The following TSGA10 variants were observed in gnomAD, a reference collection of about 807,000 sequenced individuals.
TSGA10 encodes testis-specific gene 10 protein.
Under a neutral mutation model 96.6 loss-of-function variants are expected in TSGA10, and 43 were observed. The observed-to-expected ratio is 0.44, with a 90% CI of 0.35 to 0.57. The LOEUF is 0.57. TSGA10 is among the 20% of genes least tolerant of loss of function. The probability of loss-of-function intolerance (pLI) is 0.01; values close to 1 mark genes in which losing one functional copy is unlikely to be tolerated. For missense variants in TSGA10, 703 were observed against 834.4 expected (o/e 0.84, Z 1.94); for synonymous variants, 229 against 269.9 (o/e 0.85, Z 1.48).
intron 1 of TSGA10, chr2:99,141,489 G>A (rs533178451): frequency 6.4e-6 from 1 of 157,252 alleles, no homozygotes; most frequent in Non-Finnish European, 1.4e-5. Context: ...CGCACGGAGC[G>A]ACGCGTACGT....
chr2:99,070,123 AAC>A (rs1392254192), intron 14 of TSGA10, among the ~76,000 whole-genome samples: 1 of 152,180 alleles, frequency 6.6e-6, no homozygotes, highest in Non-Finnish European at 1.5e-5. Flanking sequence ...TTGTTATGAC[AAC>A]AGTTTTCTTC....
chr2:99,135,072 C>G (rs1048929581), intron 1 of TSGA10, among the ~76,000 whole-genome samples: 3 of 152,160 alleles, frequency 2.0e-5, no homozygotes, highest in African/African-American at 7.2e-5. Context: ...GCATGGGGGT[C>G]AGGGACCCAC....
At chr2:99,060,498 T>C (rs906525046) in intron 16 of TSGA10, among the ~76,000 whole-genome samples, 1 of 152,290 alleles carries the variant, frequency 6.6e-6, no homozygotes, top group East Asian at 1.9e-4. Context: ...AGACTCAATA[T>C]TGTTAAAATC....
chr2:99,106,060 T>C (rs1225717575), intron 7 of TSGA10, among the ~76,000 whole-genome samples: 2 of 152,216 alleles, frequency 1.3e-5, no homozygotes, highest in African/African-American at 4.8e-5. Context: ...ATTATCATAG[T>C]GTTTCAGTCT....
At chr2:99,013,778 G>A (rs1314282753) in intron 20 of TSGA10, among the ~76,000 whole-genome samples, 1 of 151,912 alleles carries the variant, frequency 6.6e-6, no homozygotes, top group African/African-American at 2.4e-5. Flanking sequence ...CATTTTGGGA[G>A]GCGAAGACAG....
intron 2 of TSGA10, among the ~76,000 whole-genome samples, chr2:99,120,583 A>G (rs1370980287): frequency 6.6e-6 from 1 of 152,192 alleles, no homozygotes; most frequent in African/African-American, 2.4e-5. Flanking sequence ...TAGGTACTCA[A>G]TTAGTTTTGT....
chr2:99,011,101 C>T (rs1039769705), intron 20 of TSGA10, among the ~76,000 whole-genome samples: 3 of 152,182 alleles, frequency 2.0e-5, no homozygotes, highest in African/African-American at 7.2e-5. Flanking sequence ...CCACCTAACC[C>T]TGCCCCGACC....
At chr2:99,076,357 T>C (rs1214129378) in intron 12 of TSGA10, among the ~76,000 whole-genome samples, 2 of 152,172 alleles carry the variant, frequency 1.3e-5, no homozygotes, top group African/African-American at 4.8e-5. Flanking sequence ...CTATAATCCA[T>C]CTTTTATACG....
intron 16 of TSGA10, among the ~76,000 whole-genome samples, chr2:99,046,877 A>G (rs1371114710): frequency 6.6e-6 from 1 of 152,226 alleles, no homozygotes; most frequent in Non-Finnish European, 1.5e-5. Flanking sequence ...GCAATACAAA[A>G]TGAAAAAGGG....
intron 16 of TSGA10, among the ~76,000 whole-genome samples, chr2:99,048,518 G>A (rs1429617252): frequency 6.6e-6 from 1 of 152,102 alleles, no homozygotes; most frequent in Non-Finnish European, 1.5e-5. Context: ...TGGAAAAACT[G>A]GCTAGCCATA....
chr2:99,152,298 A>AT (rs751496087), intron 1 of TSGA10, among the ~76,000 whole-genome samples: 1 of 152,036 alleles, frequency 6.6e-6, no homozygotes, highest in African/African-American at 2.4e-5. Context: ...CATAAAACTG[A>AT]TTTTTTTTAA....
At chr2:99,046,782 G>A (rs1014444255) in intron 16 of TSGA10, among the ~76,000 whole-genome samples, 20 of 152,040 alleles carry the variant, frequency 1.3e-4, no homozygotes, top group Admixed American at 1.3e-3. Context: ...ATGAATCCAG[G>A]ACCTGGTTTT....
intron 20 of TSGA10, among the ~76,000 whole-genome samples, chr2:99,001,274 C>T (rs2077883319): frequency 6.6e-6 from 1 of 152,080 alleles, no homozygotes; most frequent in Admixed American, 6.5e-5. Context: ...ATGAAGCTTC[C>T]AGAGGAAGGA....
Position 99,135,064 on chromosome 2 carries a change from A to G in TSGA10, c.-620-7888T>C, listed in dbSNP as rs181790580. Among the ~76,000 whole-genome samples, 32 of 152,308 alleles carry G rather than the reference A, an allele frequency of 2.1e-4. No individual in the cohort carries two copies. The East Asian group carries it at 5.8e-3, about 28-fold the overall frequency. On this transcript the variant is annotated intron_variant, in intron 1 of 20. Coordinates refer to ENST00000393483, the MANE Select transcript of TSGA10 (RefSeq NM_025244.4). ...GGGAGATGTCTCCCAGTCAGGAGGC[A>G]TGGGGGTCAGGGACCCACTTGAGGC...
At chr2:99,097,234 G>T (rs1308955827) in intron 10 of TSGA10, among the ~76,000 whole-genome samples, 1 of 151,774 alleles carries the variant, frequency 6.6e-6, no homozygotes, top group Non-Finnish European at 1.5e-5. Context: ...TATATATATA[G>T]GACCCCAAAA....
At chr2:99,094,941 C>T (rs933423414) in intron 10 of TSGA10, among the ~76,000 whole-genome samples, 1 of 152,106 alleles carries the variant, frequency 6.6e-6, no homozygotes, top group African/African-American at 2.4e-5. Context: ...AAAAAAGATA[C>T]TTGTACACAC....
At chr2:99,022,951 T>C (rs1312589329) in intron 17 of TSGA10, among the ~76,000 whole-genome samples, 1 of 152,236 alleles carries the variant, frequency 6.6e-6, no homozygotes, top group Non-Finnish European at 1.5e-5. Context: ...CATGTGTTTA[T>C]TGGCCATTTA....
At chr2:99,127,458 G>C (rs1340251081) in intron 1 of TSGA10, among the ~76,000 whole-genome samples, 1 of 152,100 alleles carries the variant, frequency 6.6e-6, no homozygotes, top group East Asian at 1.9e-4. Context: ...AAATTAAAGA[G>C]TCTACCTCTA....
At chr2:99,144,927 GGA>G (rs1417980191) in intron 1 of TSGA10, among the ~76,000 whole-genome samples, 7 of 152,216 alleles carry the variant, frequency 4.6e-5, no homozygotes, top group Non-Finnish European at 1.0e-4. Context: ...CAAAGAGACA[GGA>G]GAGAGTGCTT....
Sources: gnomAD v4.1 joint callset for allele counts (sites outside exome capture counted in the v4.1 genomes callset) on GRCh38, gnomAD v4.1.1 for gene constraint, MANE v1.5 for transcripts, NCBI Gene and HGNC (gene_info 2026-07-23, HGNC 2026-07-21) for gene names.